The following ITGB6 variants were observed in gnomAD, a reference collection of about 807,000 sequenced individuals.
ITGB6 encodes integrin subunit beta 6, also known as integrin beta-6.
A neutral mutation model predicts 84.5 loss-of-function variants in ITGB6; 80 were observed. That is an observed-to-expected ratio of 0.95 (90% CI 0.79 to 1.14). The LOEUF is 1.14. ITGB6 is among the 50% of genes most tolerant of loss of function. The probability of loss-of-function intolerance (pLI) is 0.00; values close to 1 mark genes in which losing one functional copy is unlikely to be tolerated. For synonymous variants in ITGB6, 383 were observed against 354.9 expected, an observed-to-expected ratio of 1.08 and a Z score of -0.89; for missense variants, 1,006 against 968.0, an observed-to-expected ratio of 1.04 and a Z score of -0.52.
chr2:160,169,366 G>GTATCTTTGA, intron 6 of ITGB6, 59 bp from the exon 7 acceptor site: 1 of 999,284 alleles, frequency 1.0e-6, no homozygotes, highest in Non-Finnish European at 1.5e-6. Context: ...ATAAAGAAAG[G>GTATCTTTGA]AATATTTATT....
intron 4 of ITGB6, among the ~76,000 whole-genome samples, chr2:160,193,122 A>G (rs1444735724): frequency 6.6e-6 from 1 of 152,218 alleles, no homozygotes; most frequent in African/African-American, 2.4e-5. Flanking sequence ...CAGCAACTCC[A>G]GTTTAGGTGT....
Position 160,110,198 on chromosome 2 carries a change from T to C in ITGB6, c.2101+1882A>G, listed in dbSNP as rs80247290. 5.2e-3 allele frequency among the ~76,000 whole-genome samples: 796 copies of C among 152,312 alleles called. 3 individuals are homozygous for C. Among genetic ancestry groups the C allele is most frequent in the Non-Finnish European group, 8.0e-3 (541 of 68,022 alleles). ...GCCAGGCTGCCAGAGCTCCTCCAAC[T>C]AGCTCTGGCACGTAATTACTGCCAG... On this transcript the variant is annotated intron_variant, in intron 13 of 14. Coordinates refer to ENST00000283249, the MANE Select transcript of ITGB6 (RefSeq NM_000888.5).
At chr2:160,196,107 G>T in intron 3 of ITGB6, 109 bp downstream of exon 3, 2 of 923,802 alleles carry the variant, frequency 2.2e-6, no homozygotes, top group Non-Finnish European at 3.3e-6. Context: ...TGGGAAATTC[G>T]AGTCATAATA....
At chr2:160,144,094 A>C (rs1684098674) in intron 7 of ITGB6, among the ~76,000 whole-genome samples, 1 of 152,216 alleles carries the variant, frequency 6.6e-6, no homozygotes, top group Non-Finnish European at 1.5e-5. Context: ...GCTGGAGTGC[A>C]GTGGCCTGAT....
chr2:160,151,549 A>C (rs1274065491), intron 7 of ITGB6, among the ~76,000 whole-genome samples: 1 of 152,190 alleles, frequency 6.6e-6, no homozygotes, highest in Non-Finnish European at 1.5e-5. Context: ...GAGAATCAAG[A>C]GCAAATACAT....
intron 7 of ITGB6, among the ~76,000 whole-genome samples, chr2:160,164,960 A>G (rs1323288255): frequency 6.6e-6 from 1 of 152,152 alleles, no homozygotes; most frequent in Non-Finnish European, 1.5e-5. Flanking sequence ...TCCCTCTCTA[A>G]GGGATGTTTT....
chr2:160,177,385 T>C (rs1261492686), intron 4 of ITGB6, among the ~76,000 whole-genome samples: 1 of 151,804 alleles, frequency 6.6e-6, no homozygotes, highest in Admixed American at 6.6e-5. Context: ...GCTAACACGG[T>C]GAAACCCCAT....
chr2:160,178,198 A>G (rs1685507927), intron 4 of ITGB6, among the ~76,000 whole-genome samples: 4 of 152,224 alleles, frequency 2.6e-5, no homozygotes, highest in Admixed American at 2.6e-4. Context: ...TGGGCAAGTT[A>G]TTCAACACCA....
chr2:160,113,673 A>G (rs1475973870), intron 12 of ITGB6, among the ~76,000 whole-genome samples: 2 of 152,208 alleles, frequency 1.3e-5, no homozygotes, highest in African/African-American at 4.8e-5. Context: ...CTGATTTGAG[A>G]AGTTGGTTGT....
chr2:160,145,103 C>G (rs1198442435), intron 7 of ITGB6, among the ~76,000 whole-genome samples: 1 of 152,090 alleles, frequency 6.6e-6, no homozygotes, highest in Non-Finnish European at 1.5e-5. Flanking sequence ...TCTTAACGCA[C>G]TATTATAAAT....
In ITGB6 at chr2:160,107,698, G is replaced by A. The variant is rs1696962916; in HGVS notation, c.2249C>T (p.Ser750Leu). 1.2e-6 allele frequency: 2 copies of A among 1,613,942 alleles called. No homozygotes were observed. Among genetic ancestry groups the A allele is most frequent in the Non-Finnish European group, 1.7e-6 (2 of 1,179,884 alleles). Residue 750 changes from serine (S) to leucine (L), a missense_variant, in exon 14 of 15, where the codon TCA (serine) becomes TTA (leucine). Coordinates refer to ENST00000283249, the MANE Select transcript of ITGB6 (RefSeq NM_000888.5). ...KEVAKFEAER[S>L]KAKWQTGTNP... is the part of the protein sequence containing the mutation. The stretch of plus-strand genomic sequence containing the variant: ...ACATACCGTTTGCCACTTGGCTTTT[G>A]ATCGTTCTGCTTCAAATTTGGCAAC...
Position 160,099,938 on chromosome 2 carries a change from C to G in ITGB6, c.*1798G>C, listed in dbSNP as rs1696650137. ...AATAATTAAAAAAACAACAGTAAGT[C>G]CACGTAGAGGAGAGGATTGCTGTTG... On this transcript the variant is annotated 3_prime_UTR_variant, in exon 15 of 15. Coordinates refer to ENST00000283249, the MANE Select transcript of ITGB6 (RefSeq NM_000888.5). The G allele has an allele frequency of 6.6e-6, 1 of 152,188 alleles. No homozygotes were observed. The highest frequency in any genetic ancestry group is 1.5e-5 in the Non-Finnish European group (1 of 68,040). 9.4% of individuals were successfully genotyped at this position (152,188 alleles called of 1,614,324 possible).
intron 12 of ITGB6, among the ~76,000 whole-genome samples, chr2:160,116,710 C>T (rs1162067855): frequency 6.6e-6 from 1 of 152,244 alleles, no homozygotes; most frequent in South Asian, 2.1e-4. Context: ...TTAAAAGACA[C>T]AGACTGGCAA....
rs142525332 is a variant in ITGB6 at position 160,126,946 on chromosome 2, C to T, written c.1661-345G>A. 2.0e-4 allele frequency among the ~76,000 whole-genome samples: 31 copies of T among 152,250 alleles called. No individual in the cohort carries two copies. In the South Asian group the frequency reaches 2.1e-3, roughly 10 times the overall value. ...CTAAACCTGAAACACTAGTCCAGGC[C>T]GTGATGAGAGTGGGTGGTCCGACAT... On this transcript the variant is annotated intron_variant, in intron 10 of 14. Transcript: ENST00000283249.
Position 160,173,963 on chromosome 2 carries a change from C to T in ITGB6, c.759+11G>A, listed in dbSNP as rs111425086. 2.3e-4 allele frequency: 373 copies of T among 1,608,110 alleles called. 2 individuals carry two copies. In the East Asian group the frequency reaches 5.6e-3, roughly 24 times the overall value. On this transcript the variant is annotated intron_variant, in intron 5 of 14. Transcript: ENST00000283249. ...TGTTAACAGAGTGAAACAGCACTCC[C>T]TTCAGCATACCTTACACACAGCAGC...
intron 4 of ITGB6, among the ~76,000 whole-genome samples, chr2:160,178,460 C>A (rs1217179922): frequency 6.6e-6 from 1 of 152,172 alleles, no homozygotes; most frequent in Non-Finnish European, 1.5e-5. Context: ...AGATTTGCAT[C>A]TTTGTTGGTT....
At chr2:160,186,784 C>T (rs989759465) in intron 4 of ITGB6, among the ~76,000 whole-genome samples, 1 of 152,102 alleles carries the variant, frequency 6.6e-6, no homozygotes, top group African/African-American at 2.4e-5. Context: ...ACTATGCAGT[C>T]ATAAAAAAGG....
intron 7 of ITGB6, among the ~76,000 whole-genome samples, chr2:160,147,933 C>G (rs1399357402): frequency 6.6e-5 from 10 of 152,138 alleles, no homozygotes; most frequent in South Asian, 6.2e-4. Context: ...AGATATAACA[C>G]CAAAGGCACA....
chr2:160,195,354 G>A lies in ITGB6; in HGVS notation c.593+15C>T. Reference sequence around the variant, plus strand: ...AAATCAGCGCACAAAGATGCCAAGAGAATCATTTACTTACCTGCAAGGGTT... The same window carrying A: ...AAATCAGCGCACAAAGATGCCAAGAAAATCATTTACTTACCTGCAAGGGTT... On this transcript the variant is annotated intron_variant, in intron 4 of 14. Coordinates refer to ENST00000283249, the MANE Select transcript of ITGB6 (RefSeq NM_000888.5). The A allele has an allele frequency of 1.2e-6, 2 of 1,613,676 alleles. No homozygotes were observed. The highest frequency in any genetic ancestry group is 1.7e-6 in the Non-Finnish European group (2 of 1,179,710).
Sources: allele counts gnomAD v4.1 joint callset (sites outside exome capture counted in the v4.1 genomes callset), GRCh38; gene constraint gnomAD v4.1.1; transcripts MANE v1.5; gene names NCBI Gene and HGNC (gene_info 2026-07-23, HGNC 2026-07-21).